The following KCNIP1 variants were observed in gnomAD, a reference collection of about 807,000 sequenced individuals.
KCNIP1 encodes potassium voltage-gated channel interacting protein 1.
Under a neutral mutation model 33.0 loss-of-function variants are expected in KCNIP1, and 18 were observed. The ratio of observed to expected loss-of-function variants is 0.55; its 90% confidence interval spans 0.38 to 0.81. KCNIP1 has a LOEUF of 0.81. Ranked by LOEUF, KCNIP1 falls within the 30% of genes least tolerant of loss-of-function variation. The probability of loss-of-function intolerance (pLI) is 0.00; values close to 1 mark genes in which losing one functional copy is unlikely to be tolerated. For synonymous variants in KCNIP1, 93 were observed against 98.3 expected (o/e 0.95, Z 0.32); for missense variants, 238 against 271.6 (o/e 0.88, Z 0.87).
intron 1 of KCNIP1, among the ~76,000 whole-genome samples, chr5:170,636,464 A>G (rs1760286946): frequency 6.6e-6 from 1 of 152,204 alleles, no homozygotes; most frequent in Admixed American, 6.5e-5. Flanking sequence ...GCACTATCCC[A>G]GGCCTGCCTT....
At chr5:170,654,817 A>T (rs1761197139) in intron 1 of KCNIP1, among the ~76,000 whole-genome samples, 1 of 152,254 alleles carries the variant, frequency 6.6e-6, no homozygotes, top group Non-Finnish European at 1.5e-5. Flanking sequence ...TAATGGTGTG[A>T]ACAGAGATTT....
chr5:170,681,743 G>C (rs1432112700), intron 1 of KCNIP1, among the ~76,000 whole-genome samples: 1 of 152,164 alleles, frequency 6.6e-6, no homozygotes, highest in African/African-American at 2.4e-5. Flanking sequence ...CCATTCCTTA[G>C]TGAGAATGGG....
intron 1 of KCNIP1, among the ~76,000 whole-genome samples, chr5:170,416,044 G>A (rs1755321439): frequency 6.6e-6 from 1 of 152,080 alleles, no homozygotes; most frequent in Non-Finnish European, 1.5e-5. Flanking sequence ...GGAGGCCACA[G>A]TGAGGGGTGC....
At chr5:170,362,722 G>A (rs1452838063) in intron 1 of KCNIP1, among the ~76,000 whole-genome samples, 2 of 152,224 alleles carry the variant, frequency 1.3e-5, no homozygotes, top group African/African-American at 2.4e-5. Context: ...GTAGGGAGGT[G>A]TGATTCTGGG....
At chr5:170,458,339 C>T (rs946541340) in intron 1 of KCNIP1, among the ~76,000 whole-genome samples, 1 of 152,172 alleles carries the variant, frequency 6.6e-6, no homozygotes, top group Non-Finnish European at 1.5e-5. Flanking sequence ...ATACAAGAGG[C>T]TCAAAGAACA....
intron 1 of KCNIP1, among the ~76,000 whole-genome samples, chr5:170,355,600 G>A (rs1763325835): frequency 6.6e-6 from 1 of 152,284 alleles, no homozygotes; most frequent in East Asian, 1.9e-4. Flanking sequence ...AGAGATGTCT[G>A]GGGCAGACTA....
chr5:170,722,042 A>G, intron 4 of KCNIP1, 139 bp downstream of exon 4: 1 of 1,077,228 alleles, frequency 9.3e-7, no homozygotes, highest in Non-Finnish European at 1.3e-6. Context: ...ATTTGTAAGC[A>G]TTTCCTAAAG....
chr5:170,603,798 G>C (rs62394331), intron 1 of KCNIP1, among the ~76,000 whole-genome samples: 48,627 of 152,124 alleles, frequency 0.32, 8,835 homozygotes, highest in Non-Finnish European at 0.42. Flanking sequence ...CCCAGATCCG[G>C]CAGGGCCTTG....
At chr5:170,638,834 G>T (rs924169935) in intron 1 of KCNIP1, among the ~76,000 whole-genome samples, 1 of 152,198 alleles carries the variant, frequency 6.6e-6, no homozygotes, top group Non-Finnish European at 1.5e-5. Flanking sequence ...CCGAATCTCC[G>T]GGCTTCCTGC....
intron 1 of KCNIP1, among the ~76,000 whole-genome samples, chr5:170,379,204 C>T (rs1157322303): frequency 6.6e-6 from 1 of 152,152 alleles, no homozygotes; most frequent in Non-Finnish European, 1.5e-5. Context: ...ACAGGCTACA[C>T]ACCTGGGCGC....
intron 1 of KCNIP1, among the ~76,000 whole-genome samples, chr5:170,712,313 T>C (rs1763478357): frequency 6.6e-6 from 1 of 152,184 alleles, no homozygotes; most frequent in Non-Finnish European, 1.5e-5. Context: ...ATCAAAAACT[T>C]GTAGACTGTA....
At chr5:170,682,454 G>A (rs1762382549) in intron 1 of KCNIP1, among the ~76,000 whole-genome samples, 1 of 152,140 alleles carries the variant, frequency 6.6e-6, no homozygotes. Flanking sequence ...ATGTTTTTTA[G>A]CTTTAGCTAA....
At chr5:170,556,794 G>A (rs1043211533) in intron 1 of KCNIP1, among the ~76,000 whole-genome samples, 1 of 152,218 alleles carries the variant, frequency 6.6e-6, no homozygotes, top group African/African-American at 2.4e-5. Context: ...GCACTTGGGA[G>A]GCCCCACCTT....
At chr5:170,358,303 A>C (rs1763402704) in intron 1 of KCNIP1, among the ~76,000 whole-genome samples, 1 of 152,172 alleles carries the variant, frequency 6.6e-6, no homozygotes, top group Non-Finnish European at 1.5e-5. Flanking sequence ...GATGAGATCT[A>C]TCTCAAGGAC....
intron 1 of KCNIP1, among the ~76,000 whole-genome samples, chr5:170,356,742 T>C (rs938070303): frequency 1.3e-5 from 2 of 152,226 alleles, no homozygotes; most frequent in Admixed American, 1.3e-4. Flanking sequence ...GAATGGAGTA[T>C]GTGTGTTACC....
At chr5:170,659,960 T>C (rs1761411552) in intron 1 of KCNIP1, among the ~76,000 whole-genome samples, 1 of 152,206 alleles carries the variant, frequency 6.6e-6, no homozygotes, top group Non-Finnish European at 1.5e-5. Flanking sequence ...GTATTGCTTA[T>C]TCTGGCCTAT....
chr5:170,641,181 T>C (rs1760535667), intron 1 of KCNIP1, among the ~76,000 whole-genome samples: 1 of 152,170 alleles, frequency 6.6e-6, no homozygotes, highest in Non-Finnish European at 1.5e-5. Flanking sequence ...GCCCGCTGGC[T>C]TATGGGCATG....
At chr5:170,414,818 A>G (rs1265813232) in intron 1 of KCNIP1, among the ~76,000 whole-genome samples, 1 of 152,188 alleles carries the variant, frequency 6.6e-6, no homozygotes, top group African/African-American at 2.4e-5. Context: ...TTCAATGCGT[A>G]TTCTTTGGGG....
chr5:170,543,771 G>T (rs1756303128), intron 1 of KCNIP1, among the ~76,000 whole-genome samples: 1 of 152,186 alleles, frequency 6.6e-6, no homozygotes, highest in Non-Finnish European at 1.5e-5. Flanking sequence ...TCATTTGCCT[G>T]TAGTTAAATG....
Sources: gnomAD v4.1 joint callset for allele counts (sites outside exome capture counted in the v4.1 genomes callset) on GRCh38, gnomAD v4.1.1 for gene constraint, MANE v1.5 for transcripts, NCBI Gene and HGNC (gene_info 2026-07-23, HGNC 2026-07-21) for gene names.